CADPS: variants seen among roughly 807,000 people sequenced by gnomAD.
CADPS encodes the protein calcium-dependent secretion activator 1.
CADPS carries 57 observed loss-of-function variants against 167.3 expected under a neutral mutation model. The observed-to-expected ratio is 0.34, with a 90% CI of 0.28 to 0.42. The LOEUF (loss-of-function observed/expected upper bound fraction) is 0.42, where lower values mean the gene tolerates loss of function less well. CADPS is among the 20% of genes least tolerant of loss of function. The pLI, the probability that CADPS is intolerant of heterozygous loss-of-function variation, is 1.00. For missense variants in CADPS, 1,414 were observed against 1,738.1 expected, an observed-to-expected ratio of 0.81 and a Z score of 3.32; for synonymous variants, 676 against 635.3, an observed-to-expected ratio of 1.06 and a Z score of -0.96.
At chr3:62,675,189 T>C (rs1026530098) in intron 3 of CADPS, among the ~76,000 whole-genome samples, 2 of 151,886 alleles carry the variant, frequency 1.3e-5, no homozygotes, top group African/African-American at 2.4e-5. Context: ...ACAGGGAAAA[T>C]AGAACATGGA....
In CADPS at chr3:62,628,634, TTC is replaced by T. The variant is rs1403674122; in HGVS notation, c.1325+17086_1325+17087del. On this transcript the variant is annotated intron_variant, in intron 6 of 29. Transcript: ENST00000383710. ...CCATTCAACCATGAGCCTTTTTTTT[TTC>T]TTTTTTCTTGAGACAGAGTCTCGCT... Among the ~76,000 whole-genome samples the T allele has an allele frequency of 3.3e-5, 5 of 151,120 alleles. No homozygotes were observed. In the South Asian group the frequency reaches 1.1e-3, roughly 32 times the overall value.
chr3:62,734,197 C>CT (rs2078517923), intron 3 of CADPS, among the ~76,000 whole-genome samples: 2 of 152,098 alleles, frequency 1.3e-5, no homozygotes, highest in African/African-American at 2.4e-5. Flanking sequence ...TCATAAATAC[C>CT]ACCCAACTGC....
intron 16 of CADPS, 44 bp downstream of exon 16, chr3:62,516,015 T>C: frequency 6.2e-7 from 1 of 1,610,250 alleles, no homozygotes; most frequent in Non-Finnish European, 8.5e-7. Context: ...CAGGGAGGCA[T>C]ATCAAAATTT....
intron 2 of CADPS, among the ~76,000 whole-genome samples, chr3:62,754,511 G>A (rs1444840002): frequency 6.6e-6 from 1 of 152,076 alleles, no homozygotes; most frequent in East Asian, 1.9e-4. Flanking sequence ...TTTAAATAGA[G>A]GCAGGACTTT....
chr3:62,871,794 C>A (rs1473723012), intron 1 of CADPS, among the ~76,000 whole-genome samples: 1 of 152,054 alleles, frequency 6.6e-6, no homozygotes, highest in East Asian at 1.9e-4. Context: ...TCATTGTAAC[C>A]CATGTCCCAT....
chr3:62,699,489 G>A (rs1296791689), intron 3 of CADPS, among the ~76,000 whole-genome samples: 1 of 152,138 alleles, frequency 6.6e-6, no homozygotes, highest in Non-Finnish European at 1.5e-5. Context: ...AAAACCCTTG[G>A]AGTCTACTGT....
chr3:62,590,826 G>A (rs2085819717), intron 7 of CADPS, among the ~76,000 whole-genome samples: 1 of 151,846 alleles, frequency 6.6e-6, no homozygotes, highest in African/African-American at 2.4e-5. Context: ...AAACCAGAAT[G>A]AAATAAAATT....
At chr3:62,633,063 C>G (rs765298215) in intron 6 of CADPS, among the ~76,000 whole-genome samples, 22 of 152,086 alleles carry the variant, frequency 1.4e-4, no homozygotes, top group Non-Finnish European at 3.2e-4. Context: ...AGAGCAGCAT[C>G]TGGTGGTAAT....
chr3:62,640,104 G>C (rs1440455652), intron 6 of CADPS, among the ~76,000 whole-genome samples: 1 of 152,148 alleles, frequency 6.6e-6, no homozygotes, highest in Non-Finnish European at 1.5e-5. Flanking sequence ...GCACTGGTTG[G>C]ACATAAGGAA....
intron 1 of CADPS, among the ~76,000 whole-genome samples, chr3:62,824,778 G>T (rs975558611): frequency 6.6e-6 from 1 of 152,134 alleles, no homozygotes; most frequent in Non-Finnish European, 1.5e-5. Context: ...ATAGCCCAGG[G>T]ACTGAAATAT....
intron 6 of CADPS, among the ~76,000 whole-genome samples, chr3:62,640,170 G>A (rs945541740): frequency 1.3e-5 from 2 of 152,054 alleles, no homozygotes; most frequent in Admixed American, 6.6e-5. Context: ...TCATATCATC[G>A]TATCACATTT....
chr3:62,794,778 T>TAAAAAAAAAAAAAAAAAAAAAA, intron 1 of CADPS, among the ~76,000 whole-genome samples: 1 of 99,930 alleles, frequency 1.0e-5, no homozygotes, highest in South Asian at 3.2e-4. Flanking sequence ...CGCAAGGTGG[T>TAAAAAAAAAAAAAAAAAAAAAA]AAAAAAAAAA....
At position 62,753,557 on chromosome 3, in the gene CADPS, T is replaced by A. The variant is rs374555826; in HGVS notation, c.772A>T (p.Met258Leu). 1 of 1,613,986 alleles carries A rather than the reference T, an allele frequency of 6.2e-7. No homozygotes were observed. Among genetic ancestry groups the A allele is most frequent in the Admixed American group, 1.7e-5 (1 of 60,000 alleles). ...EEDPRKQQAR[M>L]TASAASELIL... ...AGCTCGGAGGCTGCGCTGGCTGTCA[T>A]CCGGGCCTGCTGCTTCCGCGGGTCC... Residue 258 changes from methionine to leucine, a missense_variant, in exon 3 of 30, where the codon ATG becomes TTG. Transcript: ENST00000383710. This position sits in a 1 kb window ranked among gnomAD's most constrained non-coding sequence, Gnocchi z 4.6.
chr3:62,435,378 G>A (rs551623600), intron 28 of CADPS, among the ~76,000 whole-genome samples: 13 of 152,272 alleles, frequency 8.5e-5, no homozygotes, highest in African/African-American at 2.2e-4. Flanking sequence ...AACAGAAGCC[G>A]AAAATAATCA....
At chr3:62,619,466 A>G (rs540122411) in intron 6 of CADPS, among the ~76,000 whole-genome samples, 1 of 152,308 alleles carries the variant, frequency 6.6e-6, no homozygotes, top group African/African-American at 2.4e-5. Context: ...TTTTATCAAT[A>G]CATTGATATG....
intron 28 of CADPS, among the ~76,000 whole-genome samples, chr3:62,415,545 G>A (rs757133656): frequency 6.6e-6 from 1 of 152,084 alleles, no homozygotes; most frequent in Admixed American, 6.5e-5. Context: ...TGACATGCTC[G>A]TAGCTTAAGG....
intron 28 of CADPS, among the ~76,000 whole-genome samples, chr3:62,427,487 C>T (rs1252860182): frequency 6.6e-6 from 1 of 152,118 alleles, no homozygotes; most frequent in African/African-American, 2.4e-5. Context: ...CTATTTTGAG[C>T]TGGATCATCC....
Position 62,794,188 on chromosome 3 carries a change from C to G in CADPS, c.442-28204G>C, listed in dbSNP as rs79032611. On this transcript the variant is annotated intron_variant, in intron 1 of 29. Transcript: ENST00000383710. ...TCCCAGCTCTGCCAGTGACTACTAA[C>G]CATGAAACCTTGGCACATGATATAA... Among the ~76,000 whole-genome samples, 513 of 152,294 alleles carry G rather than the reference C, an allele frequency of 3.4e-3. 2 individuals are homozygous for G. Among genetic ancestry groups the G allele is most frequent in the African/African-American group, 0.012 (486 of 41,550 alleles).
chr3:62,557,623 A>C (rs2078392281), intron 9 of CADPS, 110 bp from the exon 10 acceptor site: 3 of 843,144 alleles, frequency 3.6e-6, no homozygotes, highest in Non-Finnish European at 6.0e-6. Flanking sequence ...CTGGGTTCAA[A>C]CTGAGTTTTG....
Sources: gnomAD v4.1 joint callset for allele counts (sites outside exome capture counted in the v4.1 genomes callset) on GRCh38, gnomAD v4.1.1 for gene constraint, Gnocchi (gnomAD v3.1) non-coding constraint, MANE v1.5 for transcripts, NCBI Gene and HGNC (gene_info 2026-07-23, HGNC 2026-07-21) for gene names.